The following GPC6 variants were observed in gnomAD, a reference collection of about 807,000 sequenced individuals.
GPC6 encodes glypican 6.
Under a neutral mutation model 55.2 loss-of-function variants are expected in GPC6, and 14 were observed. The ratio of observed to expected loss-of-function variants is 0.25; its 90% CI spans 0.17 to 0.40. The LOEUF is 0.40. GPC6 is among the 10% of genes least tolerant of loss of function. The pLI is 1.00. For missense variants in GPC6, 641 were observed against 708.5 expected (o/e 0.90, Z 1.08); for synonymous variants, 278 against 259.6 (o/e 1.07, Z -0.68).
the GPC6 span, among the ~76,000 whole-genome samples, chr13:93,219,503 T>C: frequency 1.3e-5 from 2 of 151,834 alleles, no homozygotes; most frequent in East Asian, 3.8e-4. Flanking sequence ...GATACTGCCT[T>C]ATGGTATAAC....
At chr13:93,928,123 G>A (rs1471248357) in intron 3 of GPC6, among the ~76,000 whole-genome samples, 1 of 152,124 alleles carries the variant, frequency 6.6e-6, no homozygotes, top group Admixed American at 6.5e-5. Context: ...AATTCCAGTG[G>A]TGGCCAGTTC....
intron 3 of GPC6, among the ~76,000 whole-genome samples, chr13:93,862,378 A>C (rs981667928): frequency 1.3e-5 from 2 of 151,376 alleles, no homozygotes; most frequent in African/African-American, 4.8e-5. Flanking sequence ...CCACTTCTCT[A>C]CTGCTCCGTG....
At chr13:93,745,527 A>C (rs1159872286) in intron 2 of GPC6, among the ~76,000 whole-genome samples, 1 of 152,186 alleles carries the variant, frequency 6.6e-6, no homozygotes, top group Non-Finnish European at 1.5e-5. Flanking sequence ...ACCAAATTAC[A>C]GACAGTCCAA....
At chr13:93,938,724 C>A (rs1170157168) in intron 3 of GPC6, among the ~76,000 whole-genome samples, 2 of 152,166 alleles carry the variant, frequency 1.3e-5, no homozygotes, top group South Asian at 2.1e-4. Context: ...AGAATTGGAA[C>A]AGGATTTTCT....
At chr13:94,229,970 G>C (rs571775228) in intron 4 of GPC6, among the ~76,000 whole-genome samples, 1 of 152,278 alleles carries the variant, frequency 6.6e-6, no homozygotes, top group African/African-American at 2.4e-5. Context: ...AGTGGGAAAT[G>C]AACAGGAAGC....
At position 93,285,527 on chromosome 13, in the gene GPC6, C is replaced by T. The variant is rs184380356; in HGVS notation, c.160+57911C>T. Among the ~76,000 whole-genome samples, 233 of 151,622 alleles carry T rather than the reference C, an allele frequency of 1.5e-3. 1 individual carries two copies. Among genetic ancestry groups the T allele is most frequent in the Non-Finnish European group, 2.6e-3 (176 of 67,946 alleles). On this transcript the variant is annotated intron_variant, in intron 1 of 8. Transcript: ENST00000377047. The stretch of plus-strand genomic sequence containing the variant: ...ATATACAGTATTTAACATATTTTAC[C>T]TTGTTTTCAAAAAGCCAATTTGTAT...
At chr13:94,171,550 C>T (rs1888568499) in intron 4 of GPC6, among the ~76,000 whole-genome samples, 1 of 152,128 alleles carries the variant, frequency 6.6e-6, no homozygotes, top group South Asian at 2.1e-4. Flanking sequence ...GCCTCCTAGA[C>T]TAAAATGCTA....
chr13:94,185,943 C>T (rs1416408365), intron 4 of GPC6, among the ~76,000 whole-genome samples: 1 of 150,418 alleles, frequency 6.6e-6, no homozygotes, highest in Non-Finnish European at 1.5e-5. Context: ...CCCTGTAGTC[C>T]CAGCTACCCA....
intron 1 of GPC6, among the ~76,000 whole-genome samples, chr13:93,228,613 T>A (rs987653188): frequency 6.6e-6 from 1 of 152,176 alleles, no homozygotes. Flanking sequence ...GCTCTGTGAA[T>A]GAAACGTGTC....
chr13:93,708,794 G>A (rs568094950), intron 2 of GPC6, among the ~76,000 whole-genome samples: 3 of 151,780 alleles, frequency 2.0e-5, no homozygotes, highest in Admixed American at 2.0e-4. Flanking sequence ...CTGCCCTCAT[G>A]GACTCCAATC....
chr13:94,144,927 C>T (rs913132245), intron 4 of GPC6, among the ~76,000 whole-genome samples: 2 of 152,126 alleles, frequency 1.3e-5, no homozygotes, highest in Non-Finnish European at 2.9e-5. Context: ...CCTAGTTAAA[C>T]AGGGGAATCA....
At chr13:93,300,458 C>A (rs1457492824) in intron 1 of GPC6, among the ~76,000 whole-genome samples, 2 of 150,228 alleles carry the variant, frequency 1.3e-5, no homozygotes, top group Admixed American at 6.6e-5. Flanking sequence ...ACCATCCTGG[C>A]TAACACAGTG....
chr13:94,336,315 C>CA (rs1877697277), intron 6 of GPC6, among the ~76,000 whole-genome samples: 1 of 152,132 alleles, frequency 6.6e-6, no homozygotes, highest in Admixed American at 6.5e-5. Flanking sequence ...TGAACTAGCT[C>CA]AAAATATGCT....
intron 4 of GPC6, among the ~76,000 whole-genome samples, chr13:94,028,405 A>T (rs1004660816): frequency 6.6e-6 from 1 of 152,142 alleles, no homozygotes; most frequent in Non-Finnish European, 1.5e-5. Flanking sequence ...AGATTGTGCA[A>T]CCCAGCTATA....
intron 3 of GPC6, among the ~76,000 whole-genome samples, chr13:94,009,167 C>T (rs562115350): frequency 4.0e-4 from 61 of 152,176 alleles, no homozygotes; most frequent in African/African-American, 1.3e-3. Flanking sequence ...GATTTCCCCC[C>T]TAATAGGTGA....
At chr13:93,367,430 C>T (rs1273836339) in intron 1 of GPC6, among the ~76,000 whole-genome samples, 2 of 151,952 alleles carry the variant, frequency 1.3e-5, no homozygotes, top group Non-Finnish European at 1.5e-5. Flanking sequence ...TTCTCTATTA[C>T]ATTACTGTTT....
chr13:93,228,543 C>T (rs566910561), intron 1 of GPC6, among the ~76,000 whole-genome samples: 27 of 152,156 alleles, frequency 1.8e-4, no homozygotes, highest in Non-Finnish European at 3.4e-4. Flanking sequence ...ACAACTTGCG[C>T]GGCAGTCTGG....
intron 1 of GPC6, among the ~76,000 whole-genome samples, chr13:93,454,836 G>A (rs527447491): frequency 5.3e-4 from 80 of 152,360 alleles, no homozygotes; most frequent in Admixed American, 7.2e-4. Flanking sequence ...CTGGAGCAGG[G>A]GGTGGAGCTG....
intron 4 of GPC6, among the ~76,000 whole-genome samples, chr13:94,231,137 T>C (rs201711729): frequency 6.6e-6 from 1 of 152,202 alleles, no homozygotes; most frequent in East Asian, 1.9e-4. Flanking sequence ...GTATACTAGA[T>C]GTTCTGCAAA....
Sources: gnomAD v4.1 joint callset for allele counts (sites outside exome capture counted in the v4.1 genomes callset) on GRCh38, gnomAD v4.1.1 for gene constraint, MANE v1.5 for transcripts, NCBI Gene and HGNC (gene_info 2026-07-23, HGNC 2026-07-21) for gene names.